The following KDF1 variants were observed in gnomAD, a reference collection of about 807,000 sequenced individuals.
KDF1 encodes the protein RP11-344H11.3.
Under a neutral mutation model 31.6 loss-of-function variants are expected in KDF1, and 11 were observed. The observed-to-expected ratio is 0.35, with a 90% CI of 0.22 to 0.58. The LOEUF (loss-of-function observed/expected upper bound fraction) is 0.58. Among genes scored for constraint, KDF1 ranks in the 20% least tolerant of loss-of-function variants. The probability of loss-of-function intolerance (pLI) is 0.83; values close to 1 mark genes in which losing one functional copy is unlikely to be tolerated. For missense variants in KDF1, 476 were observed against 549.1 expected (o/e 0.87, Z 1.33); for synonymous variants, 205 against 214.4 (o/e 0.96, Z 0.38).
At position 26,950,785 on chromosome 1, in the gene KDF1, G is replaced by A. The variant is rs757628748; in HGVS notation, c.1040-29C>T. 1.9e-6 allele frequency: 3 copies of A among 1,595,526 alleles called. No individual in the cohort carries two copies. The highest frequency in any genetic ancestry group is 2.2e-5 in the East Asian group (1 of 44,748). On this transcript the variant is annotated intron_variant, in intron 2 of 3. Transcript: ENST00000320567. The surrounding 1 kb of genome is among the most constrained non-coding windows in gnomAD (Gnocchi z 4.0). ...GGGAGGGAACGTGAGGCAAGCAGTG[G>A]TCATTAGCACGTTCTTTCAACCCTA...
chr1:26,949,926 G>A lies in KDF1; in HGVS notation c.*143C>T. On this transcript the variant is annotated 3_prime_UTR_variant, in exon 4 of 4. Coordinates refer to ENST00000320567, the MANE Select transcript of KDF1 (RefSeq NM_152365.3). ...GCCCAGTGAAATGCACATGGTCCAG[G>A]AACCCAGTCAGCCAAGGCAGGAGGA... The A allele has an allele frequency of 1.3e-6, 1 of 748,970 alleles. No homozygotes were observed. The highest frequency in any genetic ancestry group is 2.2e-6 in the Non-Finnish European group (1 of 455,130). The allele number at this position is 748,970 out of a possible 1,614,324, so 46.4% of individuals were successfully genotyped here. A position where few individuals can be genotyped will look rare whatever the true frequency, so the allele number is the denominator to read the frequency against.
In KDF1 at chr1:26,950,099, C is replaced by T. The variant is rs144377897; in HGVS notation, c.1167G>A (p.Ser389=). 1.9e-4 allele frequency: 308 copies of T among 1,613,852 alleles called. 1 individual carries two copies. The African/African-American group carries it at 3.3e-3, about 17-fold the overall frequency. ...AGTACACCTGGAGCAAGGGTGCCCC[C>T]GACGAGTCTGTGTCGGTGCCCTGGA... ...SSFQGTDTDS[S]GAPLLQVYC is the part of the protein sequence containing the mutation. Residue 389 remains serine, a synonymous_variant, in exon 4 of 4, where the codon TCG becomes TCA. Coordinates refer to ENST00000320567, the MANE Select transcript of KDF1 (RefSeq NM_152365.3). The surrounding 1 kb of genome is among the most constrained non-coding windows in gnomAD (Gnocchi z 4.0).
At position 26,951,801 on chromosome 1, in the gene KDF1, C is replaced by A; in HGVS notation, c.580G>T (p.Asp194Tyr). ...ADSCCKEPLA[D>Y]PPPMRHSLPS... ...AGGCTGTGTCGCATGGGTGGGGGAT[C>A]GGCCAGTGGCTCCTTGCAGCAGGAG... The change falls in exon 2 of 4, where the codon GAT (aspartate) becomes TAT (tyrosine). Residue 194 changes from aspartate (D) to tyrosine (Y), a missense_variant. Asp to Tyr is a radical substitution (Grantham distance 160). Around this residue, in one of 2 missense-constraint regions of KDF1, gnomAD observed 330 missense variants for 332.3 expected, o/e 0.99. Coordinates refer to ENST00000320567, the MANE Select transcript of KDF1 (RefSeq NM_152365.3). The surrounding 1 kb of genome is among the most constrained non-coding windows in gnomAD (Gnocchi z 5.4). The A allele has an allele frequency of 1.9e-6, 3 of 1,614,024 alleles. No individual in the cohort carries two copies. The highest frequency in any genetic ancestry group is 2.5e-6 in the Non-Finnish European group (3 of 1,180,022).
chr1:26,950,848 C>T lies in KDF1; in HGVS notation c.1040-92G>A. On this transcript the variant is annotated intron_variant, in intron 2 of 3. Coordinates refer to ENST00000320567, the MANE Select transcript of KDF1 (RefSeq NM_152365.3). The surrounding 1 kb of genome is among the most constrained non-coding windows in gnomAD (Gnocchi z 4.0). ...GTTCCCAGCCCGATGAGGGAGGAGC[C>T]ACTCACTCCTGGGCAGGGCTAGAAA... The T allele has an allele frequency of 9.0e-7, 1 of 1,117,134 alleles. No homozygotes were observed. The highest frequency in any genetic ancestry group is 1.4e-6 in the Non-Finnish European group (1 of 733,718). 69.2% of individuals were successfully genotyped at this position (1,117,134 alleles called of 1,614,324 possible).
Position 26,950,533 on chromosome 1 carries a change from TAGATGG to T in KDF1, c.1114+143_1114+148del, listed in dbSNP as rs540230959. The T allele has an allele frequency of 9.1e-4, 641 of 707,798 alleles. 1 individual carries two copies. Among genetic ancestry groups the T allele is most frequent in the Non-Finnish European group, 1.4e-3 (561 of 403,806 alleles). 43.8% of individuals were successfully genotyped at this position (707,798 alleles called of 1,614,324 possible). ...CTGCACCCACTTTAAGCCAGCTTGCTAGATGGAGACAGGTCTGTGGCTGCTTAGGTC... is the reference window on the plus strand; with the variant it reads ...CTGCACCCACTTTAAGCCAGCTTGCTAGACAGGTCTGTGGCTGCTTAGGTC... On this transcript the variant is annotated intron_variant, in intron 3 of 3. Transcript: ENST00000320567. This position sits in a 1 kb window ranked among gnomAD's most constrained non-coding sequence, Gnocchi z 4.0.
chr1:26,949,710 C>T lies in KDF1; in HGVS notation c.*359G>A, dbSNP rs573845880. On this transcript the variant is annotated 3_prime_UTR_variant, in exon 4 of 4. Coordinates refer to ENST00000320567, the MANE Select transcript of KDF1 (RefSeq NM_152365.3). ...TAAGCTTCTTTTAACTGTTGAATTA[C>T]CCCAGGGAGGGAGAAGTTTGCATGA... 1.4e-4 allele frequency: 35 copies of T among 251,276 alleles called. No individual in the cohort carries two copies. Among genetic ancestry groups the T allele is most frequent in the Non-Finnish European group, 2.5e-4 (32 of 127,764 alleles). The allele number at this position is 251,276 out of a possible 1,614,324, so 15.6% of individuals were successfully genotyped here.
In KDF1 at chr1:26,951,156, C is replaced by T. The variant is rs548283970; in HGVS notation, c.1039+186G>A. On this transcript the variant is annotated intron_variant, in intron 2 of 3. Coordinates refer to ENST00000320567, the MANE Select transcript of KDF1 (RefSeq NM_152365.3). This position sits in a 1 kb window ranked among gnomAD's most constrained non-coding sequence, Gnocchi z 5.4. ...TCTGCATGCTTCTCTCAGCCTTGCT[C>T]GGACCTCACCAGGAAGGGCCAGAGT... Among the ~76,000 whole-genome samples the T allele has an allele frequency of 1.3e-5, 2 of 152,306 alleles. No homozygotes were observed. Among genetic ancestry groups the T allele is most frequent in the Admixed American group, 6.5e-5 (1 of 15,302 alleles).
At chr1:26,956,831 A>G (rs1307792330) in intron 1 of KDF1, among the ~76,000 whole-genome samples, 1 of 152,250 alleles carries the variant, frequency 6.6e-6, no homozygotes, top group East Asian at 1.9e-4. Flanking sequence ...AAATGGTTCA[A>G]ACACAAAAGA....
At chr1:26,958,506 TGA>T (rs1415493385) in intron 1 of KDF1, among the ~76,000 whole-genome samples, 1 of 152,174 alleles carries the variant, frequency 6.6e-6, no homozygotes, top group African/African-American at 2.4e-5. Flanking sequence ...TACAATCCAG[TGA>T]GAGTTGATTA....
chr1:26,955,604 C>T (rs1365634980), intron 1 of KDF1, among the ~76,000 whole-genome samples: 3 of 152,216 alleles, frequency 2.0e-5, no homozygotes, highest in African/African-American at 4.8e-5. Flanking sequence ...GAATGAATTA[C>T]AGATCCTGTT....
chr1:26,957,663 A>T lies in KDF1; in HGVS notation c.-33+2687T>A, dbSNP rs77873363. On this transcript the variant is annotated intron_variant, in intron 1 of 3. Coordinates refer to ENST00000320567, the MANE Select transcript of KDF1 (RefSeq NM_152365.3). ...CATCTGCAACGGTATCCCAAATAAA[A>T]TTCTAACAGGTGATTTTAAATTCCC... Among the ~76,000 whole-genome samples, 1,494 of 152,272 alleles carry T rather than the reference A, an allele frequency of 9.8e-3. 135 individuals carry two copies. The East Asian group carries it at 0.21, about 22-fold the overall frequency.
At chr1:26,954,316 T>C (rs1300332329) in intron 1 of KDF1, among the ~76,000 whole-genome samples, 1 of 151,072 alleles carries the variant, frequency 6.6e-6, no homozygotes, top group Non-Finnish European at 1.5e-5. Flanking sequence ...CTCTGCCTCC[T>C]GGGTTCAAGT....
At chr1:26,959,592 A>T (rs1278094319) in intron 1 of KDF1, among the ~76,000 whole-genome samples, 1 of 152,136 alleles carries the variant, frequency 6.6e-6, no homozygotes, top group Non-Finnish European at 1.5e-5. Flanking sequence ...AGGCACCGCA[A>T]GGATGTTCCC....
Position 26,950,646 on chromosome 1 carries a change from C to A in KDF1, c.1114+36G>T. The A allele has an allele frequency of 6.3e-7, 1 of 1,591,186 alleles. No homozygotes were observed. Among genetic ancestry groups the A allele is most frequent in the South Asian group, 1.1e-5 (1 of 90,622 alleles). On this transcript the variant is annotated intron_variant, in intron 3 of 3. Transcript: ENST00000320567. This position sits in a 1 kb window ranked among gnomAD's most constrained non-coding sequence, Gnocchi z 4.0. ...GGTGAGGGGCCCCTAGGGTAGTCCC[C>A]CACCCTCCACACCCCTCATTAGGTC...
At position 26,949,789 on chromosome 1, in the gene KDF1, T is replaced by C; in HGVS notation, c.*280A>G. On this transcript the variant is annotated 3_prime_UTR_variant, in exon 4 of 4. Coordinates refer to ENST00000320567, the MANE Select transcript of KDF1 (RefSeq NM_152365.3). ...GTCAGGGTTCACTCCCAGAAGGTAA[T>C]GCCTAACTCCTTACTTTCCATGATC... The C allele has an allele frequency of 2.6e-6, 1 of 381,636 alleles. No homozygotes were observed. The highest frequency in any genetic ancestry group is 4.9e-6 in the Non-Finnish European group (1 of 203,430). The allele number at this position is 381,636 out of a possible 1,614,324, so 23.6% of individuals were successfully genotyped here.
rs2082339112 is a variant in KDF1 at position 26,949,950 on chromosome 1, G to A, written c.*119C>T. On this transcript the variant is annotated 3_prime_UTR_variant, in exon 4 of 4. Coordinates refer to ENST00000320567, the MANE Select transcript of KDF1 (RefSeq NM_152365.3). ...GGAACCCAGTCAGCCAAGGCAGGAGGAGCCAGAGTGGGCACTGCTTCAGGT... is the reference window on the plus strand; with the variant it reads ...GGAACCCAGTCAGCCAAGGCAGGAGAAGCCAGAGTGGGCACTGCTTCAGGT... 2 of 984,768 alleles carry A rather than the reference G, an allele frequency of 2.0e-6. No homozygotes were observed. Among genetic ancestry groups the A allele is most frequent in the Admixed American group, 4.4e-5 (2 of 45,116 alleles). The allele number at this position is 984,768 out of a possible 1,614,324, so 61.0% of individuals were successfully genotyped here.
intron 1 of KDF1, among the ~76,000 whole-genome samples, chr1:26,957,457 A>G (rs2082382076): frequency 1.3e-5 from 2 of 152,076 alleles, no homozygotes; most frequent in Non-Finnish European, 2.9e-5. Flanking sequence ...ACTGTGTGTA[A>G]TTCTTTTCTG....
Position 26,951,610 on chromosome 1 carries a change from A to G in KDF1, c.771T>C (p.Asp257=). ...TGTCTGATGTGCACTTGGCCAGCTC[A>G]TCGATCTGGTGTACGCTGAACAGCT... ...LTELFSVHQI[D]ELAKCTSDTV... The change falls in exon 2 of 4, where the codon GAT becomes GAC. Residue 257 remains aspartate (D), a synonymous_variant. Coordinates refer to ENST00000320567, the MANE Select transcript of KDF1 (RefSeq NM_152365.3). The surrounding 1 kb of genome is among the most constrained non-coding windows in gnomAD (Gnocchi z 5.4). The G allele has an allele frequency of 6.2e-7, 1 of 1,612,464 alleles. No homozygotes were observed. The highest frequency in any genetic ancestry group is 8.5e-7 in the Non-Finnish European group (1 of 1,178,718).
At chr1:26,958,165 C>A (rs554476936) in intron 1 of KDF1, among the ~76,000 whole-genome samples, 17 of 131,504 alleles carry the variant, frequency 1.3e-4, no homozygotes, top group African/African-American at 4.9e-4. Flanking sequence ...TGGAGTCTCA[C>A]TCTGTTGCCC....
Sources: allele counts gnomAD v4.1 joint callset (sites outside exome capture counted in the v4.1 genomes callset), GRCh38; gene constraint gnomAD v4.1.1; regional missense constraint gnomAD v4.1.1; non-coding constraint Gnocchi (gnomAD v3.1); transcripts MANE v1.5; gene names NCBI Gene and HGNC (gene_info 2026-07-23, HGNC 2026-07-21).